CRKL: variants seen among roughly 807,000 people sequenced by gnomAD.
The protein encoded by CRKL is CRK like proto-oncogene, adaptor protein, also known as crk-like protein.
A neutral mutation model predicts 23.0 loss-of-function variants in CRKL; 3 were observed. The ratio of observed to expected loss-of-function variants is 0.13; its 90% CI spans 0.06 to 0.34. The LOEUF (loss-of-function observed/expected upper bound fraction) is 0.34. CRKL is among the 10% of genes least tolerant of loss of function. The probability of loss-of-function intolerance (pLI) is 1.00; values close to 1 mark genes in which losing one functional copy is unlikely to be tolerated. For missense variants in CRKL, 256 were observed against 394.5 expected, an observed-to-expected ratio of 0.65 and a Z score of 2.97; for synonymous variants, 188 against 160.7, an observed-to-expected ratio of 1.17 and a Z score of -1.28.
chr22:20,950,160 T>C lies in CRKL; in HGVS notation c.*315T>C, dbSNP rs545959252. On this transcript the variant is annotated 3_prime_UTR_variant, in exon 3 of 3. Coordinates refer to ENST00000354336, the MANE Select transcript of CRKL (RefSeq NM_005207.4). ...CTTCTCATTGCTGCCCGTTTGTACA[T>C]GGGACTGATTCTGTTGTGTTCACCA... 18 of 345,954 alleles carry C rather than the reference T, an allele frequency of 5.2e-5. No homozygotes were observed. The highest frequency in any genetic ancestry group is 3.4e-4 in the African/African-American group (16 of 47,128). The allele number at this position is 345,954 out of a possible 1,614,324, so 21.4% of individuals were successfully genotyped here.
At chr22:20,948,344 A>C (rs186389801) in intron 2 of CRKL, among the ~76,000 whole-genome samples, 2,191 of 152,124 alleles carry the variant, frequency 0.014, 17 homozygotes, top group Non-Finnish European at 0.023. Flanking sequence ...GTTGGTGACA[A>C]GGTTGGAAAT....
In CRKL at chr22:20,952,632, C is replaced by T. The variant is rs11544581; in HGVS notation, c.*2787C>T. The T allele has an allele frequency of 1.3e-5, 3 of 232,490 alleles. No homozygotes were observed. Among genetic ancestry groups the T allele is most frequent in the East Asian group, 6.1e-5 (1 of 16,496 alleles). 14.4% of individuals were successfully genotyped at this position (232,490 alleles called of 1,614,324 possible). The stretch of plus-strand genomic sequence containing the variant: ...CTGTTGTGCTCCATAGAGCAGTGCA[C>T]ATCTGACCCAGAGGGTGGGTGTTCA... On this transcript the variant is annotated 3_prime_UTR_variant, in exon 3 of 3. Transcript: ENST00000354336.
At chr22:20,947,044 C>G (rs1425514282) in intron 2 of CRKL, among the ~76,000 whole-genome samples, 2 of 152,116 alleles carry the variant, frequency 1.3e-5, no homozygotes, top group Admixed American at 1.3e-4. Context: ...CCTGCAAGGC[C>G]ACAATGAGGC....
Position 20,933,788 on chromosome 22 carries a change from C to G in CRKL, c.321C>G (p.Ser107Arg), listed in dbSNP as rs767466740. The G allele has an allele frequency of 6.2e-6, 10 of 1,611,286 alleles. No homozygotes were observed. The highest frequency in any genetic ancestry group is 6.8e-6 in the Non-Finnish European group (8 of 1,178,072). ...TTCTTTCTCTCTTAAGGTATCCAAG[C>G]CCACCAATGGGATCTGTCTCAGCAC... ...TLIEPAPRYP[S>R]PPMGSVSAPN... Residue 107 changes from serine to arginine, a missense_variant, in exon 2 of 3, where the codon AGC becomes AGG. Physicochemically the swap from Ser to Arg is moderately radical, Grantham distance 110. This residue lies in a region of CRKL where 42 missense variants were observed against 32.7 expected (regional missense o/e 1.29). Transcript: ENST00000354336.
At chr22:20,918,727 G>A (rs929167968) in intron 1 of CRKL, among the ~76,000 whole-genome samples, 4 of 151,940 alleles carry the variant, frequency 2.6e-5, no homozygotes, top group Admixed American at 2.6e-4. Context: ...GAGTAGCTGG[G>A]ACTACTGGCT....
In CRKL at chr22:20,933,791, A is replaced by G. The variant is rs2147904475; in HGVS notation, c.324A>G (p.Pro108=). 6.2e-7 allele frequency: 1 copy of G among 1,612,680 alleles called. No individual in the cohort carries two copies. ...LIEPAPRYPS[P]PMGSVSAPNL... is the part of the protein sequence containing the mutation. Reference sequence around the variant, plus strand: ...TTTCTCTCTTAAGGTATCCAAGCCCACCAATGGGATCTGTCTCAGCACCCA... The same window carrying G: ...TTTCTCTCTTAAGGTATCCAAGCCCGCCAATGGGATCTGTCTCAGCACCCA... The change falls in exon 2 of 3, where the codon CCA becomes CCG. Residue 108 remains proline, a synonymous_variant. Coordinates refer to ENST00000354336, the MANE Select transcript of CRKL (RefSeq NM_005207.4).
rs1479479199 is a variant in CRKL at position 20,934,119 on chromosome 22, G to T, written c.652G>T (p.Ala218Ser). Reference sequence around the variant, plus strand: ...ACCTCAGACCACAACTCCTCTACCTGCAGTTTCCGGTTCTCCTGGGGCAGC... The same window carrying T: ...ACCTCAGACCACAACTCCTCTACCTTCAGTTTCCGGTTCTCCTGGGGCAGC... ...AQPQTTTPLPAVSGSPGAAIT... is the reference protein window; with the variant it reads ...AQPQTTTPLPSVSGSPGAAIT... The change falls in exon 2 of 3, where the codon GCA becomes TCA. Residue 218 changes from alanine (A) to serine (S), a missense_variant. Ala to Ser is a moderately conservative substitution (Grantham distance 99, BLOSUM62 1). Transcript: ENST00000354336. 6 of 1,614,054 alleles carry T rather than the reference G, an allele frequency of 3.7e-6. No individual in the cohort carries two copies. The African/African-American group carries it at 4.0e-5, about 11-fold the overall frequency.
chr22:20,953,476 T>C lies in CRKL; in HGVS notation c.*3631T>C, dbSNP rs1292912045. The C allele has an allele frequency of 8.6e-6, 2 of 231,342 alleles. No homozygotes were observed. The highest frequency in any genetic ancestry group is 1.7e-5 in the Non-Finnish European group (2 of 116,732). The allele number at this position is 231,342 out of a possible 1,614,324, so 14.3% of individuals were successfully genotyped here. ...CATAAAACTCTTTTGACCTGTAACT[T>C]AAAGATCATAAACTTCAGGCAATAA... On this transcript the variant is annotated 3_prime_UTR_variant, in exon 3 of 3. Coordinates refer to ENST00000354336, the MANE Select transcript of CRKL (RefSeq NM_005207.4).
intron 1 of CRKL, among the ~76,000 whole-genome samples, chr22:20,925,542 A>C (rs1280467386): frequency 6.6e-6 from 1 of 152,204 alleles, no homozygotes; most frequent in African/African-American, 2.4e-5. Flanking sequence ...CAAACAAAAA[A>C]CATTATTTTA....
rs908445137 is a variant in CRKL at position 20,917,419 on chromosome 22, CG to C, written c.-515del. ...GCCCAGCGCGTGCGCAGACGGAGCG[CG>C]CTGAGCGGAGGGGGAGGTGGCTGCC... On this transcript the variant is annotated 5_prime_UTR_variant, in exon 1 of 3. Transcript: ENST00000354336. The C allele has an allele frequency of 4.5e-6, 1 of 222,114 alleles. No homozygotes were observed. Among genetic ancestry groups the C allele is most frequent in the African/African-American group, 2.2e-5 (1 of 44,646 alleles). 13.8% of individuals were successfully genotyped at this position (222,114 alleles called of 1,614,324 possible).
At chr22:20,939,889 A>G (rs1403751021) in intron 2 of CRKL, among the ~76,000 whole-genome samples, 1 of 149,972 alleles carries the variant, frequency 6.7e-6, no homozygotes, top group African/African-American at 2.5e-5. Flanking sequence ...CCCAGGTTCA[A>G]GTGATTCTCC....
chr22:20,932,764 T>C (rs1177633988), intron 1 of CRKL, among the ~76,000 whole-genome samples: 1 of 152,144 alleles, frequency 6.6e-6, no homozygotes, highest in East Asian at 1.9e-4. Context: ...TAGAACCTTC[T>C]TAACTACTAA....
At chr22:20,930,674 GC>G (rs1921413433) in intron 1 of CRKL, among the ~76,000 whole-genome samples, 1 of 96,684 alleles carries the variant, frequency 1.0e-5, no homozygotes. Flanking sequence ...GCCACCACAC[GC>G]CTGGCTTTTT....
intron 1 of CRKL, among the ~76,000 whole-genome samples, chr22:20,928,032 C>A (rs1921295174): frequency 6.7e-6 from 1 of 150,294 alleles, no homozygotes; most frequent in East Asian, 1.9e-4. Flanking sequence ...TAGTGGGGCC[C>A]TGTAATCCCA....
Position 20,917,960 on chromosome 22 carries a change from C to T in CRKL, c.26C>T (p.Ser9Leu), listed in dbSNP as rs1430434565. 1.9e-6 allele frequency: 3 copies of T among 1,613,996 alleles called. No homozygotes were observed. Among genetic ancestry groups the T allele is most frequent in the East Asian group, 2.2e-5 (1 of 44,878 alleles). Residue 9 changes from serine to leucine, a missense_variant, in exon 1 of 3, where the codon TCG becomes TTG. Ser to Leu is a moderately radical substitution (Grantham distance 145). Transcript: ENST00000354336. ...ATGTCCTCCGCCAGGTTCGACTCCTCGGACCGCTCCGCCTGGTATATGGGG... is the reference window on the plus strand; with the variant it reads ...ATGTCCTCCGCCAGGTTCGACTCCTTGGACCGCTCCGCCTGGTATATGGGG... Reference protein sequence around the residue: MSSARFDSSDRSAWYMGPV... With the variant: MSSARFDSLDRSAWYMGPV...
intron 2 of CRKL, among the ~76,000 whole-genome samples, chr22:20,936,412 G>A (rs750635751): frequency 3.3e-5 from 5 of 152,080 alleles, no homozygotes; most frequent in South Asian, 2.1e-4. Context: ...GCAATGGCAC[G>A]ATCTCGGTTC....
At chr22:20,934,704 G>C (rs34430750) in intron 2 of CRKL, among the ~76,000 whole-genome samples, 1 of 151,678 alleles carries the variant, frequency 6.6e-6, no homozygotes, top group African/African-American at 2.4e-5. Flanking sequence ...CCATGACCTA[G>C]AGGCAAAATC....
At chr22:20,929,647 G>T (rs1418153192) in intron 1 of CRKL, among the ~76,000 whole-genome samples, 1 of 152,070 alleles carries the variant, frequency 6.6e-6, no homozygotes, top group Non-Finnish European at 1.5e-5. Context: ...TATTTTAATA[G>T]TGACAGGGTT....
In CRKL at chr22:20,923,079, G is replaced by A. The variant is rs377732699; in HGVS notation, c.311+4834G>A. Among the ~76,000 whole-genome samples, 34 of 152,152 alleles carry A rather than the reference G, an allele frequency of 2.2e-4. No homozygotes were observed. The South Asian group carries it at 3.3e-3, about 15-fold the overall frequency. ...ACATTTTCCATTTCTAGCTTGTGTC[G>A]ATAGATAAATTCAGGCTATGAAGAA... On this transcript the variant is annotated intron_variant, in intron 1 of 2. Transcript: ENST00000354336.
Sources: gnomAD v4.1 joint callset for allele counts (sites outside exome capture counted in the v4.1 genomes callset) on GRCh38, gnomAD v4.1.1 for gene constraint, gnomAD v4.1.1 regional missense constraint, MANE v1.5 for transcripts, NCBI Gene and HGNC (gene_info 2026-07-23, HGNC 2026-07-21) for gene names.